The following TCERG1 variants were observed in gnomAD, a reference collection of about 807,000 sequenced individuals.
TCERG1 encodes the protein transcription elongation regulator 1, also known as TATA box binding protein (TBP)-associated factor, RNA polymerase II, S, 150kD.
A neutral mutation model predicts 144.7 loss-of-function variants in TCERG1; 37 were observed. The ratio of observed to expected loss-of-function variants is 0.26; its 90% CI spans 0.20 to 0.34. The LOEUF is 0.34. Ranked by LOEUF, TCERG1 falls within the 10% of genes least tolerant of loss-of-function variation. The pLI, the probability that TCERG1 is intolerant of heterozygous loss-of-function variation, is 1.00. For synonymous variants in TCERG1, 492 were observed against 458.2 expected, an observed-to-expected ratio of 1.07 and a Z score of -0.94; for missense variants, 1,027 against 1,380.7, an observed-to-expected ratio of 0.74 and a Z score of 4.06.
chr5:146,499,597 A>G (rs1027694565), intron 17 of TCERG1: 1 of 152,226 alleles, frequency 6.6e-6, no homozygotes, highest in Non-Finnish European at 1.5e-5. Flanking sequence ...TGTAAAATCA[A>G]ATTCTACTAC....
chr5:146,469,332 G>A (rs1205169993), intron 6 of TCERG1, among the ~76,000 whole-genome samples: 2 of 152,272 alleles, frequency 1.3e-5, no homozygotes, highest in South Asian at 2.1e-4. Flanking sequence ...TTGAATTTCT[G>A]TGTCTAATTG....
intron 17 of TCERG1, among the ~76,000 whole-genome samples, chr5:146,499,280 T>C (rs1767217849): frequency 6.6e-6 from 1 of 152,182 alleles, no homozygotes; most frequent in Non-Finnish European, 1.5e-5. Flanking sequence ...CTCTCCTTAG[T>C]GTCCTGGTAT....
At position 146,511,153 on chromosome 5, in the gene TCERG1, A is replaced by G. The variant is rs1768431774; in HGVS notation, c.*511A>G. On this transcript the variant is annotated 3_prime_UTR_variant, in exon 23 of 23. Transcript: ENST00000679501. ...ACAATACTTTTACCTTTGTCTCTAA[A>G]GATCAGATTAGTTTTATTTGTTCAC... 6.6e-6 allele frequency: 1 copy of G among 152,664 alleles called. No individual in the cohort carries two copies. Among genetic ancestry groups the G allele is most frequent in the Non-Finnish European group, 1.5e-5 (1 of 68,048 alleles). 9.5% of individuals were successfully genotyped at this position (152,664 alleles called of 1,614,324 possible). A position where few individuals can be genotyped will look rare whatever the true frequency, so the allele number is the denominator to read the frequency against.
intron 1 of TCERG1, among the ~76,000 whole-genome samples, chr5:146,447,804 C>T (rs2150123271): frequency 2.0e-5 from 3 of 152,386 alleles, no homozygotes; most frequent in Non-Finnish European, 4.4e-5. Flanking sequence ...CGTCTCTGCA[C>T]TCCGCAGTTA....
chr5:146,481,713 T>C (rs1291060597), intron 13 of TCERG1: 1 of 152,198 alleles, frequency 6.6e-6, no homozygotes, highest in Non-Finnish European at 1.5e-5. Flanking sequence ...AGAAGGAAGA[T>C]CTGCTAAAAT....
At chr5:146,466,466 A>C (rs1314311017) in intron 5 of TCERG1, among the ~76,000 whole-genome samples, 1 of 152,210 alleles carries the variant, frequency 6.6e-6, no homozygotes, top group East Asian at 1.9e-4. Flanking sequence ...AAAACTATAA[A>C]ATCTTATCTG....
At chr5:146,508,807 T>C (rs565567446) in intron 21 of TCERG1, among the ~76,000 whole-genome samples, 20 of 152,278 alleles carry the variant, frequency 1.3e-4, no homozygotes, top group South Asian at 6.2e-4. Flanking sequence ...ATCCTTAATA[T>C]CCTTATTTTT....
In TCERG1 at chr5:146,507,809, T is replaced by A. The variant is rs979746243; in HGVS notation, c.2962-64T>A. On this transcript the variant is annotated intron_variant, in intron 20 of 22. Coordinates refer to ENST00000679501, the MANE Select transcript of TCERG1 (RefSeq NM_001382548.1). This position sits in a 1 kb window ranked among gnomAD's most constrained non-coding sequence, Gnocchi z 4.6. ...TGTGTAATATTATGTACCTATGTGCTGCAGTTTGACTCCCTAAGTAAAAGT... is the reference window on the plus strand; with the variant it reads ...TGTGTAATATTATGTACCTATGTGCAGCAGTTTGACTCCCTAAGTAAAAGT... 7 of 1,109,628 alleles carry A rather than the reference T, an allele frequency of 6.3e-6. No individual in the cohort carries two copies. In the African/African-American group the frequency reaches 1.1e-4, roughly 17 times the overall value. 68.7% of individuals were successfully genotyped at this position (1,109,628 alleles called of 1,614,324 possible). A position where few individuals can be genotyped will look rare whatever the true frequency, so the allele number is the denominator to read the frequency against.
At chr5:146,474,842 T>A (rs1367441948) in intron 9 of TCERG1, among the ~76,000 whole-genome samples, 1 of 152,230 alleles carries the variant, frequency 6.6e-6, no homozygotes, top group East Asian at 1.9e-4. Context: ...TGTTGCACAC[T>A]AAATAGACTA....
chr5:146,479,397 G>A (rs1282822503), intron 10 of TCERG1, among the ~76,000 whole-genome samples: 3 of 152,018 alleles, frequency 2.0e-5, no homozygotes, highest in Middle Eastern at 3.2e-3. Context: ...AGTCAGTGCC[G>A]CTTTGCCTAT....
intron 14 of TCERG1, 89 bp from the exon 15 acceptor site, chr5:146,483,451 A>G (rs750898699): frequency 8.8e-7 from 1 of 1,133,276 alleles, no homozygotes; most frequent in Non-Finnish European, 1.3e-6. Context: ...TCCTTTATAA[A>G]CAGATATCCT....
intron 1 of TCERG1, among the ~76,000 whole-genome samples, chr5:146,447,779 G>C (rs1311517458): frequency 6.6e-6 from 1 of 152,238 alleles, no homozygotes; most frequent in Non-Finnish European, 1.5e-5. Flanking sequence ...CTGCGGGCCT[G>C]ATTTTCCTCA....
At position 146,473,137 on chromosome 5, in the gene TCERG1, G is replaced by T. The variant is rs60658653; in HGVS notation, c.1601+1561G>T. On this transcript the variant is annotated intron_variant, in intron 9 of 22. Coordinates refer to ENST00000679501, the MANE Select transcript of TCERG1 (RefSeq NM_001382548.1). ...AAATAGCCAAGTTGTGAATGCAAAA[G>T]AAGGAAATGAAAAGTGCTATTCATG... 4.2e-3 allele frequency among the ~76,000 whole-genome samples: 647 copies of T among 152,354 alleles called. 11 individuals are homozygous for T. The highest frequency in any genetic ancestry group is 0.015 in the African/African-American group (624 of 41,580).
rs3797301 is a variant in TCERG1, at chr5:146,507,573, T to C, written c.2962-300T>C. On this transcript the variant is annotated intron_variant, in intron 20 of 22. Transcript: ENST00000679501. This position sits in a 1 kb window ranked among gnomAD's most constrained non-coding sequence, Gnocchi z 4.6. ...TTATCCAGGTTTTGTTCCTTTTTAT[T>C]TGCTCTCTTTTTGGTGATGGTTTCT... 0.32 allele frequency: 103,766 copies of C among 321,078 alleles called. 20,207 individuals are homozygous for C. The highest frequency in any genetic ancestry group is 0.85 in the East Asian group (16,182 of 18,928). The allele number at this position is 321,078 out of a possible 1,614,324, so 19.9% of individuals were successfully genotyped here. A position where few individuals can be genotyped will look rare whatever the true frequency, so the allele number is the denominator to read the frequency against.
At chr5:146,500,191 A>T (rs1767302197) in intron 17 of TCERG1, among the ~76,000 whole-genome samples, 1 of 151,958 alleles carries the variant, frequency 6.6e-6, no homozygotes, top group South Asian at 2.1e-4. Flanking sequence ...AAAAGGCAGG[A>T]AATTGCTAAA....
rs1425498873 is a variant in TCERG1, at chr5:146,459,000, TCAGGCCCAGGCG to T, written c.561_572del (p.Ala239_Gln242del). 1.2e-6 allele frequency: 2 copies of T among 1,612,708 alleles called. No homozygotes were observed. Among genetic ancestry groups the T allele is most frequent in the South Asian group, 1.1e-5 (1 of 91,044 alleles). ...TTGCAGCCCAGGCACAGGTTCAGGC[TCAGGCCCAGGCG>T]CAGGCTCAGGCCCAGGCGCAGGCTC... On this transcript the variant is annotated inframe_deletion, in exon 4 of 23. Transcript: ENST00000679501.
In TCERG1 at chr5:146,470,682, A is replaced by G; in HGVS notation, c.1446A>G (p.Glu482=). 1 of 1,613,514 alleles carries G rather than the reference A, an allele frequency of 6.2e-7. No homozygotes were observed. Among genetic ancestry groups the G allele is most frequent in the Middle Eastern group, 1.7e-4 (1 of 6,056 alleles). The change falls in exon 8 of 23, where the codon GAA becomes GAG. Residue 482 remains glutamate (E), a synonymous_variant. Transcript: ENST00000679501. ...AAGAGCCAATTAAAGAACCCTCTGA[A>G]GAGCCTCTGCCAATGGAGACGGAGG... The part of the protein sequence containing the change: ...KIKEPIKEPS[E]EPLPMETEEE...
At position 146,507,229 on chromosome 5, in the gene TCERG1, C is replaced by A. The variant is rs367918070; in HGVS notation, c.2961+22C>A. On this transcript the variant is annotated intron_variant, in intron 20 of 22. Coordinates refer to ENST00000679501, the MANE Select transcript of TCERG1 (RefSeq NM_001382548.1). The surrounding 1 kb of genome is among the most constrained non-coding windows in gnomAD (Gnocchi z 4.6). Reference sequence around the variant, plus strand: ...TGCAGTAAGAATCTCTTATTTTTCTCATTTTAATCTGGATGAATCTTGTTA... The same window carrying A: ...TGCAGTAAGAATCTCTTATTTTTCTAATTTTAATCTGGATGAATCTTGTTA... 6.5e-7 allele frequency: 1 copy of A among 1,547,706 alleles called. No homozygotes were observed. The highest frequency in any genetic ancestry group is 1.3e-5 in the South Asian group (1 of 78,530).
At chr5:146,510,290 A>G in intron 22 of TCERG1, 151 bp from the exon 23 acceptor site, 1 of 741,598 alleles carries the variant, frequency 1.3e-6, no homozygotes, top group Non-Finnish European at 2.1e-6. Flanking sequence ...GCGACTTACA[A>G]AGGTGACCAC....
Sources: allele counts gnomAD v4.1 joint callset (sites outside exome capture counted in the v4.1 genomes callset), GRCh38; gene constraint gnomAD v4.1.1; non-coding constraint Gnocchi (gnomAD v3.1); transcripts MANE v1.5; gene names NCBI Gene and HGNC (gene_info 2026-07-23, HGNC 2026-07-21).